The following PDZD8 variants were observed in gnomAD, a reference collection of about 807,000 sequenced individuals.
PDZD8 encodes PDZ domain containing 8.
In PDZD8, 14 loss-of-function variants were observed where a neutral mutation model predicts 85.8. That is an observed-to-expected ratio of 0.16 (90% CI 0.11 to 0.26). PDZD8 has a LOEUF of 0.26. PDZD8 is among the 10% of genes least tolerant of loss of function. The pLI is 1.00. For missense variants in PDZD8, 1,197 were observed against 1,424.3 expected (o/e 0.84, Z 2.57); for synonymous variants, 592 against 568.6 (o/e 1.04, Z -0.59).
At chr10:117,293,825 T>C (rs1159411122) in intron 3 of PDZD8, among the ~76,000 whole-genome samples, 1 of 152,078 alleles carries the variant, frequency 6.6e-6, no homozygotes, top group Non-Finnish European at 1.5e-5. Context: ...GAAACAAATA[T>C]CAGTAATTTT....
At chr10:117,367,681 C>T (rs768714336) in intron 1 of PDZD8, among the ~76,000 whole-genome samples, 6 of 152,172 alleles carry the variant, frequency 3.9e-5, no homozygotes, top group Non-Finnish European at 7.3e-5. Context: ...TGCCTGTAAT[C>T]CCAGCACTTT....
At chr10:117,364,284 T>C (rs1845049942) in intron 1 of PDZD8, among the ~76,000 whole-genome samples, 1 of 152,060 alleles carries the variant, frequency 6.6e-6, no homozygotes, top group African/African-American at 2.4e-5. Flanking sequence ...CACAATAGTA[T>C]GGGTTACATG....
Position 117,283,455 on chromosome 10 carries a change from T to C in PDZD8, c.3278A>G (p.His1093Arg). 1 of 1,614,128 alleles carries C rather than the reference T, an allele frequency of 6.2e-7. No individual in the cohort carries two copies. The highest frequency in any genetic ancestry group is 1.1e-5 in the South Asian group (1 of 91,082). Residue 1093 changes from histidine (H) to arginine (R), a missense_variant, in exon 5 of 5, where the codon CAC becomes CGC. Coordinates refer to ENST00000334464, the MANE Select transcript of PDZD8 (RefSeq NM_173791.5). Reference protein sequence around the residue: ...RLQALTLLMIHYRAGIEDIET... With the variant: ...RLQALTLLMIRYRAGIEDIET... ...TATATCTTCAATGCCTGCTCTGTAG[T>C]GAATCATAAGAAGTGTTAGAGCTTG...
intron 2 of PDZD8, among the ~76,000 whole-genome samples, chr10:117,339,914 T>C (rs994435534): frequency 6.6e-6 from 1 of 152,172 alleles, no homozygotes; most frequent in Non-Finnish European, 1.5e-5. Flanking sequence ...TGGGTCCACA[T>C]CCTAAGAGTA....
At chr10:117,363,982 T>C (rs555019588) in intron 1 of PDZD8, among the ~76,000 whole-genome samples, 37 of 152,314 alleles carry the variant, frequency 2.4e-4, no homozygotes, top group Non-Finnish European at 5.1e-4. Flanking sequence ...ATCTACAGTT[T>C]ATCAATATTG....
At position 117,283,054 on chromosome 10, in the gene PDZD8, A is replaced by C. The variant is rs1272210442; in HGVS notation, c.*214T>G. On this transcript the variant is annotated 3_prime_UTR_variant, in exon 5 of 5. Transcript: ENST00000334464. Reference sequence around the variant, plus strand: ...AAAAATAAATTCCCAGTATAAACCCAAAAAAGCATAGCTATAAATGCAATC... The same window carrying C: ...AAAAATAAATTCCCAGTATAAACCCCAAAAAGCATAGCTATAAATGCAATC... 1.7e-5 allele frequency: 8 copies of C among 476,586 alleles called. No homozygotes were observed. Among genetic ancestry groups the C allele is most frequent in the Non-Finnish European group, 2.9e-5 (8 of 274,886 alleles). The allele number at this position is 476,586 out of a possible 1,614,324, so 29.5% of individuals were successfully genotyped here.
At position 117,284,405 on chromosome 10, in the gene PDZD8, C is replaced by T. The variant is rs757169669; in HGVS notation, c.2328G>A (p.Met776Ile). 5 of 1,614,072 alleles carry T rather than the reference C, an allele frequency of 3.1e-6. No individual in the cohort carries two copies. In the African/African-American group the frequency reaches 6.7e-5, roughly 22 times the overall value. ...AAAATTTGTCATTGAATCCCTTTTG[C>T]ATACTCAGATTGCGTAGTGCGGTTC... Reference protein sequence around the residue: ...VTRTALRNLSMQKGFNDKFCY... With the variant: ...VTRTALRNLSIQKGFNDKFCY... The change falls in exon 5 of 5, where the codon ATG becomes ATA. Residue 776 changes from methionine (M) to isoleucine (I), a missense_variant. Around this residue, in one of 4 missense-constraint regions of PDZD8, gnomAD observed 418 missense variants for 571.1 expected, o/e 0.73. Coordinates refer to ENST00000334464, the MANE Select transcript of PDZD8 (RefSeq NM_173791.5).
chr10:117,315,158 T>C (rs1361774461), intron 3 of PDZD8, among the ~76,000 whole-genome samples: 7 of 152,216 alleles, frequency 4.6e-5, no homozygotes, highest in Middle Eastern at 3.4e-3. Flanking sequence ...ATTGGAAGGA[T>C]AGAGTTGGAA....
At chr10:117,350,728 C>T (rs1190087914) in intron 1 of PDZD8, among the ~76,000 whole-genome samples, 1 of 150,868 alleles carries the variant, frequency 6.6e-6, no homozygotes, top group Non-Finnish European at 1.5e-5. Context: ...ATGGTGAAAC[C>T]CCGTCTCTAC....
intron 2 of PDZD8, among the ~76,000 whole-genome samples, chr10:117,325,573 T>G (rs1844302513): frequency 6.6e-6 from 1 of 151,686 alleles, no homozygotes; most frequent in African/African-American, 2.4e-5. Context: ...TGGCTAATTT[T>G]TGTATGTTTA....
rs1844545086 is a variant in PDZD8 at position 117,279,265 on chromosome 10, A to G, written c.*4003T>C. ...GTACATACCAGAACAAAGAACATAC[A>G]GCTCTCTGAACATTTATTTTTTGAA... On this transcript the variant is annotated 3_prime_UTR_variant, in exon 5 of 5. Transcript: ENST00000334464. 6.6e-6 allele frequency: 1 copy of G among 152,218 alleles called. No homozygotes were observed. Among genetic ancestry groups the G allele is most frequent in the South Asian group, 2.1e-4 (1 of 4,834 alleles). 9.4% of individuals were successfully genotyped at this position (152,218 alleles called of 1,614,324 possible). A position where few individuals can be genotyped will look rare whatever the true frequency, so the allele number is the denominator to read the frequency against.
Position 117,283,849 on chromosome 10 carries a change from C to G in PDZD8, c.2884G>C (p.Asp962His), listed in dbSNP as rs151329411. Residue 962 changes from aspartate (D) to histidine (H), a missense_variant, in exon 5 of 5, where the codon GAT becomes CAT. This residue lies in a region of PDZD8 where 418 missense variants were observed against 571.1 expected (regional missense o/e 0.73). Transcript: ENST00000334464. ...SKTRLSEPGT[D>H]LVEPSPKHTP... is the part of the protein sequence containing the mutation. ...TGTTTTGGTGAAGGTTCTACGAGAT[C>G]GGTTCCTGGTTCAGAAAGGCGAGTT... is the stretch of plus-strand genomic sequence containing the variant. The G allele has an allele frequency of 2.7e-5, 44 of 1,614,152 alleles. No homozygotes were observed. The highest frequency in any genetic ancestry group is 3.6e-5 in the Non-Finnish European group (43 of 1,180,034).
Position 117,375,093 on chromosome 10 carries a change from G to A in PDZD8, c.135C>T (p.Phe45=), listed in dbSNP as rs1416182876. The stretch of plus-strand genomic sequence containing the variant: ...GGCCCGGCACTGGCTTGATGTAGCG[G>A]AAGCCCTCGCCCGCGCGGGCGGCCT... The part of the protein sequence containing the change: ...ADEAARAGEG[F]RYIKPVPGLL... Residue 45 remains phenylalanine, a synonymous_variant, in exon 1 of 5, where the codon TTC becomes TTT. Transcript: ENST00000334464. The A allele has an allele frequency of 1.9e-6, 3 of 1,598,224 alleles. No individual in the cohort carries two copies. The highest frequency in any genetic ancestry group is 1.7e-6 in the Non-Finnish European group (2 of 1,176,800).
chr10:117,318,967 T>C lies in PDZD8; in HGVS notation c.1003A>G (p.Ile335Val). Residue 335 changes from isoleucine (I) to valine (V), a missense_variant, in exon 3 of 5, where the codon ATT (isoleucine) becomes GTT (valine). By Grantham distance (29) the Ile-to-Val change is conservative. This residue lies in a region of PDZD8 where 344 missense variants were observed against 453.6 expected (regional missense o/e 0.76). Coordinates refer to ENST00000334464, the MANE Select transcript of PDZD8 (RefSeq NM_173791.5). Reference sequence around the variant, plus strand: ...GCCTCTCTGTCATAGGATCCAAAAATGAGTAACCTGCAGAATAAAACAAAA... The same window carrying C: ...GCCTCTCTGTCATAGGATCCAAAAACGAGTAACCTGCAGAATAAAACAAAA... ...VTLLECSRLL[I>V]FGSYDREANV... is the part of the protein sequence containing the mutation. 6.2e-7 allele frequency: 1 copy of C among 1,603,382 alleles called. No individual in the cohort carries two copies. Among genetic ancestry groups the C allele is most frequent in the Middle Eastern group, 1.7e-4 (1 of 6,042 alleles).
chr10:117,284,856 G>C lies in PDZD8; in HGVS notation c.1877C>G (p.Pro626Arg). ...CTTTTCAGCAGATTTATCTACAAGA[G>C]GAGGTGGCACCACCTTCTCTGGCTT... is the stretch of plus-strand genomic sequence containing the variant. ...VEKPEKVVPP[P>R]LVDKSAEKQA... The change falls in exon 5 of 5, where the codon CCT (proline) becomes CGT (arginine). Residue 626 changes from proline to arginine, a missense_variant. By Grantham distance (103) the Pro-to-Arg change is moderately radical. Coordinates refer to ENST00000334464, the MANE Select transcript of PDZD8 (RefSeq NM_173791.5). The C allele has an allele frequency of 6.2e-7, 1 of 1,614,196 alleles. No homozygotes were observed. The highest frequency in any genetic ancestry group is 1.1e-5 in the South Asian group (1 of 91,074).
rs190853287 is a variant in PDZD8 at position 117,279,756 on chromosome 10, G to C, written c.*3512C>G. ...ATATCCACCCATTTGACTTAATCCC[G>C]GGGGAGTTTGTAAAACCGTTGAAAT... On this transcript the variant is annotated 3_prime_UTR_variant, in exon 5 of 5. Coordinates refer to ENST00000334464, the MANE Select transcript of PDZD8 (RefSeq NM_173791.5). The C allele has an allele frequency of 5.9e-5, 9 of 152,086 alleles. No individual in the cohort carries two copies. Among genetic ancestry groups the C allele is most frequent in the African/African-American group, 2.2e-4 (9 of 41,474 alleles). 9.4% of individuals were successfully genotyped at this position (152,086 alleles called of 1,614,324 possible). A position where few individuals can be genotyped will look rare whatever the true frequency, so the allele number is the denominator to read the frequency against.
At chr10:117,364,181 GGT>G (rs71938439) in intron 1 of PDZD8, among the ~76,000 whole-genome samples, 32,248 of 148,876 alleles carry the variant, frequency 0.22, 3,782 homozygotes, top group Middle Eastern at 0.33. Context: ...ATAATTTATG[GGT>G]GTGTGTGTGT....
Position 117,367,209 on chromosome 10 carries a change from G to A in PDZD8, c.872+7147C>T, listed in dbSNP as rs1331724992. 5.9e-5 allele frequency among the ~76,000 whole-genome samples: 9 copies of A among 151,974 alleles called. No individual in the cohort carries two copies. In the East Asian group the frequency reaches 1.8e-3, roughly 30 times the overall value. On this transcript the variant is annotated intron_variant, in intron 1 of 4. Transcript: ENST00000334464. ...GGGGATCACTAGAATCCAGGAGTTGGAGACCAGCCTGGCCAACATGGTGAA... is the reference window on the plus strand; with the variant it reads ...GGGGATCACTAGAATCCAGGAGTTGAAGACCAGCCTGGCCAACATGGTGAA...
In PDZD8 at chr10:117,351,133, C is replaced by T. The variant is rs1448876082; in HGVS notation, c.873-10031G>A. ...ACTTTGAAAATTGTAGTAATATCTACGAAGCCAGTAGAGATCCACCCTATG... is the reference window on the plus strand; with the variant it reads ...ACTTTGAAAATTGTAGTAATATCTATGAAGCCAGTAGAGATCCACCCTATG... On this transcript the variant is annotated intron_variant, in intron 1 of 4. Coordinates refer to ENST00000334464, the MANE Select transcript of PDZD8 (RefSeq NM_173791.5). 3.3e-5 allele frequency among the ~76,000 whole-genome samples: 5 copies of T among 152,098 alleles called. No homozygotes were observed. In the South Asian group the frequency reaches 6.2e-4, roughly 19 times the overall value.
Sources: gnomAD v4.1 joint callset for allele counts (sites outside exome capture counted in the v4.1 genomes callset) on GRCh38, gnomAD v4.1.1 for gene constraint, gnomAD v4.1.1 regional missense constraint, MANE v1.5 for transcripts, NCBI Gene and HGNC (gene_info 2026-07-23, HGNC 2026-07-21) for gene names.